The following CNTN3 variants were observed in gnomAD, a reference collection of about 807,000 sequenced individuals.
CNTN3 encodes the protein contactin 3.
Under a neutral mutation model 119.1 loss-of-function variants are expected in CNTN3, and 60 were observed. The ratio of observed to expected loss-of-function variants is 0.50; its 90% confidence interval spans 0.41 to 0.62. The LOEUF (loss-of-function observed/expected upper bound fraction) is 0.62. Among genes scored for constraint, CNTN3 ranks in the 20% least tolerant of loss-of-function variants. The pLI is 0.00. For missense variants in CNTN3, 1,101 were observed against 1,242.4 expected, an observed-to-expected ratio of 0.89 and a Z score of 1.71; for synonymous variants, 450 against 438.7, an observed-to-expected ratio of 1.03 and a Z score of -0.32.
At chr3:74,508,461 A>T (rs930540844) in intron 2 of CNTN3, among the ~76,000 whole-genome samples, 5 of 152,166 alleles carry the variant, frequency 3.3e-5, no homozygotes, top group African/African-American at 1.2e-4. Flanking sequence ...TATGTCTTAG[A>T]GTTGCCTAGG....
intron 10 of CNTN3, among the ~76,000 whole-genome samples, chr3:74,363,527 C>A (rs1416874458): frequency 1.3e-5 from 2 of 152,098 alleles, no homozygotes; most frequent in East Asian, 3.9e-4. Flanking sequence ...GAAACACTGA[C>A]TTAAATCATG....
intron 2 of CNTN3, among the ~76,000 whole-genome samples, chr3:74,510,130 T>C (rs1240488106): frequency 6.6e-6 from 1 of 151,892 alleles, no homozygotes; most frequent in Non-Finnish European, 1.5e-5. Context: ...TTAAGCATCA[T>C]TGCAGATGGT....
At chr3:74,336,900 T>C (rs1202898446) in intron 11 of CNTN3, among the ~76,000 whole-genome samples, 1 of 152,058 alleles carries the variant, frequency 6.6e-6, no homozygotes, top group Non-Finnish European at 1.5e-5. Flanking sequence ...TTGTTCAGTA[T>C]TTTTACTCAG....
At chr3:74,601,933 A>C (rs1349358005) in intron 1 of CNTN3, among the ~76,000 whole-genome samples, 12 of 152,100 alleles carry the variant, frequency 7.9e-5, no homozygotes, top group Non-Finnish European at 1.6e-4. Context: ...ATATGGAAAC[A>C]ATAGAGCCAG....
intron 20 of CNTN3, among the ~76,000 whole-genome samples, chr3:74,268,838 C>CTA (rs1286435112): frequency 6.6e-6 from 1 of 152,036 alleles, no homozygotes; most frequent in African/African-American, 2.4e-5. Flanking sequence ...TGCAGCTGAG[C>CTA]TATACTACAG....
At chr3:74,308,090 C>G (rs1702601028) in intron 13 of CNTN3, among the ~76,000 whole-genome samples, 1 of 152,114 alleles carries the variant, frequency 6.6e-6, no homozygotes, top group South Asian at 2.1e-4. Flanking sequence ...TTGGCGTTTT[C>G]CTCTGTAAGA....
At chr3:74,504,014 A>G (rs1027231725) in intron 2 of CNTN3, among the ~76,000 whole-genome samples, 1 of 152,128 alleles carries the variant, frequency 6.6e-6, no homozygotes, top group African/African-American at 2.4e-5. Context: ...GCAGACGATC[A>G]ATTCTAATGG....
chr3:74,606,816 C>T (rs1347211204), intron 1 of CNTN3, among the ~76,000 whole-genome samples: 3 of 152,048 alleles, frequency 2.0e-5, no homozygotes, highest in Non-Finnish European at 4.4e-5. Flanking sequence ...TATTAAGACC[C>T]TTTTGTTCTT....
At chr3:74,492,583 A>G (rs7651320) in intron 3 of CNTN3, among the ~76,000 whole-genome samples, 73,490 of 151,896 alleles carry the variant, frequency 0.48, 20,000 homozygotes, top group Non-Finnish European at 0.61. Flanking sequence ...CCTGAATAGA[A>G]AGCATAATAT....
At chr3:74,476,745 G>T (rs1363343353) in intron 4 of CNTN3, among the ~76,000 whole-genome samples, 1 of 151,946 alleles carries the variant, frequency 6.6e-6, no homozygotes, top group Non-Finnish European at 1.5e-5. Context: ...ACATGAAAAA[G>T]AATCAGATAG....
intron 11 of CNTN3, among the ~76,000 whole-genome samples, chr3:74,358,516 T>C (rs1703994121): frequency 1.3e-5 from 2 of 151,660 alleles, no homozygotes; most frequent in South Asian, 4.2e-4. Flanking sequence ...TTCTGATTAG[T>C]ATGGTATAAG....
rs532125649 is a variant in CNTN3 at position 74,444,490 on chromosome 3, C to G, written c.359-19550G>C. ...TGGGAAAGGCTTTCCGTATTTCTTC[C>G]CAGAACTTTTCATCTACCTGACAAT... On this transcript the variant is annotated intron_variant, in intron 4 of 22. Coordinates refer to ENST00000263665, the MANE Select transcript of CNTN3 (RefSeq NM_020872.3). Among the ~76,000 whole-genome samples, 292 of 152,090 alleles carry G rather than the reference C, an allele frequency of 1.9e-3. 2 individuals are homozygous for G. Among genetic ancestry groups the G allele is most frequent in the African/African-American group, 6.4e-3 (265 of 41,472 alleles).
At chr3:74,318,776 G>C (rs1035965715) in intron 13 of CNTN3, among the ~76,000 whole-genome samples, 2 of 152,128 alleles carry the variant, frequency 1.3e-5, no homozygotes, top group East Asian at 1.9e-4. Flanking sequence ...ACTGGGGGGT[G>C]CCTCCCAGTT....
chr3:74,391,734 T>G (rs1704911338), intron 5 of CNTN3, among the ~76,000 whole-genome samples: 2 of 152,046 alleles, frequency 1.3e-5, no homozygotes, highest in Admixed American at 1.3e-4. Context: ...CTTGGCTCAC[T>G]ATAACCTCCA....
intron 1 of CNTN3, among the ~76,000 whole-genome samples, chr3:74,530,910 T>C (rs1483019556): frequency 6.6e-6 from 1 of 151,872 alleles, no homozygotes; most frequent in Non-Finnish European, 1.5e-5. Context: ...GAAGAACCAC[T>C]GGAAGAAAAC....
intron 13 of CNTN3, among the ~76,000 whole-genome samples, chr3:74,322,392 A>C (rs1703017535): frequency 6.6e-6 from 1 of 152,214 alleles, no homozygotes; most frequent in Non-Finnish European, 1.5e-5. Context: ...GTAAGAATAC[A>C]AAAATATGTT....
At chr3:74,355,480 G>T (rs1218111041) in intron 11 of CNTN3, among the ~76,000 whole-genome samples, 1 of 151,788 alleles carries the variant, frequency 6.6e-6, no homozygotes, top group Non-Finnish European at 1.5e-5. Flanking sequence ...TTTGAGACAG[G>T]TTCTCACTCT....
intron 4 of CNTN3, among the ~76,000 whole-genome samples, chr3:74,453,916 G>C (rs539908501): frequency 6.6e-6 from 1 of 152,194 alleles, no homozygotes; most frequent in South Asian, 2.1e-4. Context: ...TTGCTGAGGA[G>C]AGCTTTACTT....
chr3:74,533,038 A>G (rs1703715212), intron 1 of CNTN3, among the ~76,000 whole-genome samples: 1 of 151,942 alleles, frequency 6.6e-6, no homozygotes, highest in Non-Finnish European at 1.5e-5. Context: ...TCTGGGATGG[A>G]GGCATTTTCT....
Sources: gnomAD v4.1 joint callset for allele counts (sites outside exome capture counted in the v4.1 genomes callset) on GRCh38, gnomAD v4.1.1 for gene constraint, MANE v1.5 for transcripts, NCBI Gene and HGNC (gene_info 2026-07-23, HGNC 2026-07-21) for gene names.